CRTC1: variants seen among roughly 807,000 people sequenced by gnomAD.
The protein encoded by CRTC1 is CREB regulated transcription coactivator 1, also known as CREB-regulated transcription coactivator 1.
A neutral mutation model predicts 66.1 loss-of-function variants in CRTC1; 18 were observed. That is an observed-to-expected ratio of 0.27 (90% confidence interval 0.19 to 0.40). The LOEUF (loss-of-function observed/expected upper bound fraction) is 0.40. Among genes scored for constraint, CRTC1 ranks in the 10% least tolerant of loss-of-function variants. The pLI is 1.00. For missense variants in CRTC1, 669 were observed against 887.9 expected (o/e 0.75, Z 3.13); for synonymous variants, 416 against 398.8 (o/e 1.04, Z -0.51).
rs745578740 is a variant in CRTC1, at chr19:18,688,620, TAG to T, written c.126+4796_126+4797del. 1.3e-4 allele frequency among the ~76,000 whole-genome samples: 20 copies of T among 152,154 alleles called. No homozygotes were observed. In the East Asian group the frequency reaches 2.1e-3, roughly 16 times the overall value. On this transcript the variant is annotated intron_variant, in intron 1 of 13. Transcript: ENST00000321949. ...CGCCTGAGTAATTTTGTATTTTTAG[TAG>T]AGACGGGGTTTCACCATGTTGGTCA...
chr19:18,722,843 A>G (rs2053658816), intron 1 of CRTC1, among the ~76,000 whole-genome samples: 1 of 152,098 alleles, frequency 6.6e-6, no homozygotes. Context: ...GATATTTCAT[A>G]TCAATGAAAA....
At chr19:18,711,308 G>A (rs548961364) in intron 1 of CRTC1, among the ~76,000 whole-genome samples, 3 of 152,088 alleles carry the variant, frequency 2.0e-5, no homozygotes, top group East Asian at 1.9e-4. Context: ...GCAGTGGGAC[G>A]CGTTGGCCTT....
chr19:18,695,078 C>T (rs2052952129), intron 1 of CRTC1, among the ~76,000 whole-genome samples: 1 of 152,102 alleles, frequency 6.6e-6, no homozygotes. Flanking sequence ...ACCATGTTGG[C>T]CAGGCTGCTC....
Position 18,709,169 on chromosome 19 carries a change from A to G in CRTC1, c.126+25341A>G, listed in dbSNP as rs2053333133. Reference sequence around the variant, plus strand: ...CGCAGGTGCACCTGGCAGTGGGCAGAGCAGCTGCAGAGGCTTGGTGTTGGC... The same window carrying G: ...CGCAGGTGCACCTGGCAGTGGGCAGGGCAGCTGCAGAGGCTTGGTGTTGGC... On this transcript the variant is annotated intron_variant, in intron 1 of 13. Transcript: ENST00000321949. 2.0e-5 allele frequency among the ~76,000 whole-genome samples: 3 copies of G among 152,110 alleles called. No homozygotes were observed. In the South Asian group the frequency reaches 6.2e-4, roughly 31 times the overall value.
chr19:18,733,367 G>A (rs971239708), intron 1 of CRTC1, among the ~76,000 whole-genome samples: 1 of 152,202 alleles, frequency 6.6e-6, no homozygotes, highest in Non-Finnish European at 1.5e-5. Context: ...CGTCCCAGCC[G>A]CCACCTACAA....
Position 18,775,824 on chromosome 19 carries a change from G to A in CRTC1, c.1693+3G>A. ...CATCCCCAACATCATCCTCACAGGT[G>A]AGGCCAGGCCGGGGGCGCGTGTGCG... On this transcript the variant is annotated splice_donor_region_variant and intron_variant, in intron 13 of 13. Coordinates refer to ENST00000321949, the MANE Select transcript of CRTC1 (RefSeq NM_015321.3). 1 of 1,593,146 alleles carries A rather than the reference G, an allele frequency of 6.3e-7. No individual in the cohort carries two copies. The highest frequency in any genetic ancestry group is 8.5e-7 in the Non-Finnish European group (1 of 1,169,902).
At chr19:18,738,012 G>A (rs894396511) in intron 1 of CRTC1, among the ~76,000 whole-genome samples, 2 of 152,166 alleles carry the variant, frequency 1.3e-5, no homozygotes, top group African/African-American at 4.8e-5. Context: ...TTAGTTAAGT[G>A]TTGGAGGAGT....
intron 11 of CRTC1, among the ~76,000 whole-genome samples, chr19:18,772,427 C>T (rs2054890632): frequency 6.6e-6 from 1 of 152,218 alleles, no homozygotes; most frequent in Admixed American, 6.5e-5. Flanking sequence ...GGGACCATCT[C>T]ATCCCTGAAA....
At chr19:18,759,082 A>G (rs922121149) in intron 6 of CRTC1, among the ~76,000 whole-genome samples, 2 of 152,156 alleles carry the variant, frequency 1.3e-5, no homozygotes, top group African/African-American at 2.4e-5. Context: ...ACGCGTGCCT[A>G]TGGTCCCAGC....
chr19:18,697,191 A>G (rs1292311402), intron 1 of CRTC1, among the ~76,000 whole-genome samples: 1 of 152,076 alleles, frequency 6.6e-6, no homozygotes, highest in Non-Finnish European at 1.5e-5. Context: ...ACTGGAAACG[A>G]AGCATGGCCG....
chr19:18,711,703 T>TC (rs1388162980), intron 1 of CRTC1, among the ~76,000 whole-genome samples: 1 of 151,982 alleles, frequency 6.6e-6, no homozygotes, highest in Non-Finnish European at 1.5e-5. Context: ...TTCCGCCCAT[T>TC]CCCGGCTGCG....
At chr19:18,686,064 A>G (rs1344285949) in intron 1 of CRTC1, among the ~76,000 whole-genome samples, 1 of 152,130 alleles carries the variant, frequency 6.6e-6, no homozygotes, top group East Asian at 1.9e-4. Flanking sequence ...TCCACCCAGA[A>G]AGAAACCCCG....
At chr19:18,758,430 T>C (rs2054541571) in intron 6 of CRTC1, among the ~76,000 whole-genome samples, 2 of 151,642 alleles carry the variant, frequency 1.3e-5, no homozygotes, top group Admixed American at 1.3e-4. Flanking sequence ...TCAAAGGCTC[T>C]GTGGGCCACA....
At chr19:18,710,906 G>A (rs948355942) in intron 1 of CRTC1, among the ~76,000 whole-genome samples, 4 of 152,106 alleles carry the variant, frequency 2.6e-5, no homozygotes, top group African/African-American at 9.7e-5. Flanking sequence ...GTGAACCACC[G>A]CGCCCGGCCT....
At chr19:18,731,079 A>G (rs1356865564) in intron 1 of CRTC1, among the ~76,000 whole-genome samples, 1 of 152,160 alleles carries the variant, frequency 6.6e-6, no homozygotes, top group Non-Finnish European at 1.5e-5. Flanking sequence ...TCCTGGACTC[A>G]AACAGTACTG....
chr19:18,748,757 TACAC>T (rs1376279420), intron 4 of CRTC1, among the ~76,000 whole-genome samples: 2 of 148,466 alleles, frequency 1.3e-5, no homozygotes, highest in Non-Finnish European at 3.0e-5. Context: ...ACCACACACA[TACAC>T]ACACATGTTA....
chr19:18,759,979 C>T, intron 7 of CRTC1, 29 bp from the exon 8 acceptor site: 3 of 1,428,954 alleles, frequency 2.1e-6, no homozygotes, highest in African/African-American at 1.8e-5. Context: ...CATGAGCTCA[C>T]CTCCTGCCTG....
chr19:18,686,956 C>G (rs2052698146), intron 1 of CRTC1, among the ~76,000 whole-genome samples: 1 of 151,834 alleles, frequency 6.6e-6, no homozygotes, highest in Non-Finnish European at 1.5e-5. Flanking sequence ...CACAGGATGG[C>G]CCCATCGTGT....
At chr19:18,684,272 C>G (rs1380783593) in intron 1 of CRTC1, among the ~76,000 whole-genome samples, 1 of 151,374 alleles carries the variant, frequency 6.6e-6, no homozygotes. Flanking sequence ...GGTGTATGAG[C>G]TGGGTGCTGC....
Sources: allele counts gnomAD v4.1 joint callset (sites outside exome capture counted in the v4.1 genomes callset), GRCh38; gene constraint gnomAD v4.1.1; transcripts MANE v1.5; gene names NCBI Gene and HGNC (gene_info 2026-07-23, HGNC 2026-07-21).